The following ACCSL variants were observed in gnomAD, a reference collection of about 807,000 sequenced individuals.
ACCSL encodes the protein 1-aminocyclopropane-1-carboxylate synthase homolog (inactive) like.
Under a neutral mutation model 61.7 loss-of-function variants are expected in ACCSL, and 55 were observed. The ratio of observed to expected loss-of-function variants is 0.89; its 90% CI spans 0.72 to 1.12. The LOEUF (loss-of-function observed/expected upper bound fraction) is 1.12, where lower values mean the gene tolerates loss of function less well. Ranked by LOEUF, ACCSL falls within the 50% of genes most tolerant of loss-of-function variation. The pLI, the probability that ACCSL is intolerant of heterozygous loss-of-function variation, is 0.00. For synonymous variants in ACCSL, 258 were observed against 264.3 expected, an observed-to-expected ratio of 0.98 and a Z score of 0.23; for missense variants, 632 against 698.0, an observed-to-expected ratio of 0.91 and a Z score of 1.07.
the ACCSL span, among the ~76,000 whole-genome samples, chr11:44,025,397 T>G: frequency 6.6e-6 from 1 of 152,184 alleles, no homozygotes; most frequent in Non-Finnish European, 1.5e-5. Context: ...TAGTTTGTAC[T>G]AGTATCAACT....
chr11:43,971,294 A>AG, the ACCSL span: 76 of 151,592 alleles, frequency 5.0e-4, no homozygotes, highest in South Asian at 3.8e-3. Flanking sequence ...CAAAAAAAAA[A>AG]AAAAGAAAAG....
chr11:43,958,008 T>A, the ACCSL span, among the ~76,000 whole-genome samples: 1 of 152,244 alleles, frequency 6.6e-6, no homozygotes. Flanking sequence ...TTCTAACCTC[T>A]GAACTGTCCT....
At chr11:43,943,889 C>T in the ACCSL span, 2 of 1,220,082 alleles carry the variant, frequency 1.6e-6, no homozygotes, top group African/African-American at 1.6e-5. The surrounding 1 kb of genome is among the most constrained non-coding windows in gnomAD (Gnocchi z 4.8). Flanking sequence ...GTGCAGTTTT[C>T]CAGGCTCTTG....
chr11:43,978,154 C>T, the ACCSL span, among the ~76,000 whole-genome samples: 1 of 151,910 alleles, frequency 6.6e-6, no homozygotes, highest in South Asian at 2.1e-4. Flanking sequence ...GGATTACAGT[C>T]ATCTGCCACC....
At chr11:44,055,058 G>A (rs1302589636) in intron 8 of ACCSL, 144 bp from the exon 9 acceptor site, 1 of 567,860 alleles carries the variant, frequency 1.8e-6, no homozygotes, top group Non-Finnish European at 3.1e-6. Context: ...TGGGCTGCTG[G>A]GGCAGTAGGA....
the ACCSL span, among the ~76,000 whole-genome samples, chr11:44,012,889 T>TCAA: frequency 6.6e-6 from 1 of 152,196 alleles, no homozygotes; most frequent in Non-Finnish European, 1.5e-5. Context: ...TCTTCCTAAC[T>TCAA]CAACAACGTT....
At chr11:43,924,413 C>T in the ACCSL span, among the ~76,000 whole-genome samples, 2 of 152,304 alleles carry the variant, frequency 1.3e-5, no homozygotes, top group East Asian at 1.9e-4. Flanking sequence ...GGAGCCCCAG[C>T]GGGAGCTCAC....
At chr11:43,952,189 C>T in the ACCSL span, among the ~76,000 whole-genome samples, 6 of 151,888 alleles carry the variant, frequency 4.0e-5, no homozygotes, top group East Asian at 9.6e-4. Flanking sequence ...CAGCATAGTA[C>T]TGATGGATAG....
the ACCSL span, among the ~76,000 whole-genome samples, chr11:43,970,279 C>G: frequency 2.0e-5 from 3 of 152,086 alleles, no homozygotes; most frequent in Non-Finnish European, 4.4e-5. Flanking sequence ...GATCAGAGCT[C>G]CCTGCAGCCT....
the ACCSL span, among the ~76,000 whole-genome samples, chr11:44,031,570 A>G: frequency 3.9e-5 from 6 of 152,196 alleles, no homozygotes; most frequent in Admixed American, 3.3e-4. Flanking sequence ...AATGGATGAA[A>G]GAGAGGGAGC....
chr11:43,996,172 A>G, the ACCSL span, among the ~76,000 whole-genome samples: 28 of 152,280 alleles, frequency 1.8e-4, no homozygotes, highest in African/African-American at 6.7e-4. Flanking sequence ...TGACACCTTG[A>G]TCTCAGATTT....
the ACCSL span, among the ~76,000 whole-genome samples, chr11:43,955,427 C>T: frequency 6.6e-6 from 1 of 152,188 alleles, no homozygotes; most frequent in East Asian, 1.9e-4. Context: ...GACCACTGCA[C>T]AGACGAGACC....
chr11:43,971,256 G>T, the ACCSL span, among the ~76,000 whole-genome samples: 1 of 145,030 alleles, frequency 6.9e-6, no homozygotes, highest in East Asian at 2.0e-4. Flanking sequence ...TGGCATTCCA[G>T]CCTGGGTGAC....
chr11:43,970,310 A>T, the ACCSL span, among the ~76,000 whole-genome samples: 1 of 152,110 alleles, frequency 6.6e-6, no homozygotes, highest in Non-Finnish European at 1.5e-5. Context: ...GGCTCACGTG[A>T]TCCTCCCACC....
chr11:43,942,031 CGTGCGTGTGTGTGT>C, the ACCSL span, among the ~76,000 whole-genome samples: 841 of 114,524 alleles, frequency 7.3e-3, 7 homozygotes, highest in African/African-American at 0.012. Context: ...TGTTTGCATT[CGTGCGTGTGTGTGT>C]GTGTGTGTGT....
the ACCSL span, among the ~76,000 whole-genome samples, chr11:43,992,774 A>G: frequency 6.6e-6 from 1 of 152,228 alleles, no homozygotes; most frequent in Non-Finnish European, 1.5e-5. Context: ...ATTCATTAGT[A>G]TAGGTGCAGT....
the ACCSL span, among the ~76,000 whole-genome samples, chr11:43,962,920 T>C: frequency 1.3e-5 from 2 of 152,196 alleles, no homozygotes; most frequent in Non-Finnish European, 2.9e-5. Context: ...CAAGGGAGAA[T>C]TATCCTGGCA....
the ACCSL span, among the ~76,000 whole-genome samples, chr11:43,969,960 TA>T: frequency 0.28 from 42,876 of 151,680 alleles, 6,333 homozygotes; most frequent in East Asian, 0.46. Flanking sequence ...CAAATAGGTA[TA>T]GGGGGAGGGT....
At chr11:44,035,014 T>C in the ACCSL span, among the ~76,000 whole-genome samples, 7 of 152,186 alleles carry the variant, frequency 4.6e-5, no homozygotes, top group Non-Finnish European at 8.8e-5. Flanking sequence ...ATACACTCTC[T>C]TATCCCAGGG....
Sources: gnomAD v4.1 joint callset for allele counts (sites outside exome capture counted in the v4.1 genomes callset) on GRCh38, gnomAD v4.1.1 for gene constraint, Gnocchi (gnomAD v3.1) non-coding constraint, MANE v1.5 for transcripts, NCBI Gene and HGNC (gene_info 2026-07-23, HGNC 2026-07-21) for gene names.